Variants in ELOVL4 observed in about 807,000 individuals in gnomAD.
ELOVL4 encodes the protein very long chain fatty acid elongase 4.
ELOVL4 carries 18 observed loss-of-function variants against 42.1 expected under a neutral mutation model. The observed-to-expected ratio is 0.43, with a 90% confidence interval of 0.30 to 0.63. ELOVL4 has a LOEUF of 0.63. ELOVL4 is among the 30% of genes least tolerant of loss of function. The probability of loss-of-function intolerance (pLI) is 0.15; values close to 1 mark genes in which losing one functional copy is unlikely to be tolerated. For synonymous variants in ELOVL4, 117 were observed against 127.0 expected (o/e 0.92, Z 0.53); for missense variants, 299 against 376.2 (o/e 0.79, Z 1.70).
intron 3 of ELOVL4, 104 bp downstream of exon 3, chr6:79,924,848 A>G (rs1321548780): frequency 2.0e-5 from 15 of 766,008 alleles, no homozygotes; most frequent in Non-Finnish European, 3.5e-5. Context: ...ATGAATGTTA[A>G]AGAAACTGTC....
At chr6:79,943,744 G>A (rs1054803979) in intron 1 of ELOVL4, among the ~76,000 whole-genome samples, 2 of 152,154 alleles carry the variant, frequency 1.3e-5, no homozygotes, top group African/African-American at 4.8e-5. Flanking sequence ...TACATGGCAA[G>A]TAAATACGGA....
intron 2 of ELOVL4, among the ~76,000 whole-genome samples, chr6:79,925,363 T>C (rs940246982): frequency 6.6e-6 from 1 of 152,192 alleles, no homozygotes; most frequent in Non-Finnish European, 1.5e-5. Context: ...CTATGTTTGA[T>C]CCAGAGTGGT....
chr6:79,936,447 G>A (rs945257952), intron 1 of ELOVL4, among the ~76,000 whole-genome samples: 2 of 152,052 alleles, frequency 1.3e-5, no homozygotes, highest in African/African-American at 2.4e-5. Context: ...ACCCCAAAGG[G>A]TAACTGTAGT....
chr6:79,917,086 A>G (rs563431769), intron 5 of ELOVL4, among the ~76,000 whole-genome samples: 59 of 152,142 alleles, frequency 3.9e-4, no homozygotes, highest in African/African-American at 1.3e-3. Flanking sequence ...CAAGACTTCA[A>G]TTTCAATTGG....
At chr6:79,921,441 C>G (rs1774253070) in intron 4 of ELOVL4, among the ~76,000 whole-genome samples, 184 bp downstream of exon 4, 1 of 105,458 alleles carries the variant, frequency 9.5e-6, no homozygotes, top group African/African-American at 3.7e-5. Flanking sequence ...AGCCTGGTGA[C>G]AGAGCGAGAC....
chr6:79,925,822 T>C (rs894250702), intron 2 of ELOVL4, among the ~76,000 whole-genome samples: 2 of 152,176 alleles, frequency 1.3e-5, no homozygotes, highest in African/African-American at 4.8e-5. Flanking sequence ...CTGCTACTGT[T>C]TACTGAGTGC....
intron 2 of ELOVL4, among the ~76,000 whole-genome samples, chr6:79,925,877 C>T (rs1473146018): frequency 1.3e-5 from 2 of 151,994 alleles, no homozygotes; most frequent in African/African-American, 2.4e-5. Flanking sequence ...TACTTTACTC[C>T]GATAATAACC....
intron 1 of ELOVL4, 116 bp downstream of exon 1, chr6:79,947,064 C>T: frequency 2.4e-6 from 2 of 837,340 alleles, no homozygotes; most frequent in Admixed American, 4.1e-5. Flanking sequence ...TGATCCGCAG[C>T]ATCCGAAAGC....
chr6:79,938,286 C>T (rs894733705), intron 1 of ELOVL4, among the ~76,000 whole-genome samples: 1 of 152,170 alleles, frequency 6.6e-6, no homozygotes, highest in East Asian at 1.9e-4. Flanking sequence ...CCACCCAATG[C>T]TGCCAATGAA....
chr6:79,934,540 C>T (rs532249190), intron 1 of ELOVL4, among the ~76,000 whole-genome samples: 1 of 152,246 alleles, frequency 6.6e-6, no homozygotes, highest in East Asian at 1.9e-4. Flanking sequence ...TACATCTTCA[C>T]AAAGTATGTC....
chr6:79,937,197 G>GA (rs760477754), intron 1 of ELOVL4, among the ~76,000 whole-genome samples: 3 of 152,138 alleles, frequency 2.0e-5, no homozygotes, highest in Non-Finnish European at 2.9e-5. Context: ...GTTAAAACAA[G>GA]ATGTCTCCTC....
rs1582043127 is a variant in ELOVL4 at position 79,916,746 on chromosome 6, T to C, written c.807A>G (p.Thr269=). The C allele has an allele frequency of 1.2e-5, 20 of 1,614,194 alleles. No homozygotes were observed. The highest frequency in any genetic ancestry group is 1.4e-5 in the Non-Finnish European group (16 of 1,180,040). ...CTTTTGGTTTCTTAGGCTCTTTGTA[T>C]GTCCGAATGTAGAAGTTAAGAAAGA... ...IFLFLNFYIR[T]YKEPKKPKAG... is the part of the protein sequence containing the mutation. Residue 269 remains threonine (T), a synonymous_variant, in exon 6 of 6, where the codon ACA becomes ACG. Coordinates refer to ENST00000369816, the MANE Select transcript of ELOVL4 (RefSeq NM_022726.4).
In ELOVL4 at chr6:79,919,475, C is replaced by A; in HGVS notation, c.614G>T (p.Gly205Val). 6.2e-7 allele frequency: 1 copy of A among 1,613,452 alleles called. No homozygotes were observed. The highest frequency in any genetic ancestry group is 8.5e-7 in the Non-Finnish European group (1 of 1,179,618). Residue 205 changes from glycine (G) to valine (V), a missense_variant, in exon 5 of 6, where the codon GGC becomes GTC. By Grantham distance (109) the Gly-to-Val change is moderately radical (BLOSUM62 -3). Transcript: ENST00000369816. ...MYSYYGLTAFGPWIQKYLWWK... is the reference protein window; with the variant it reads ...MYSYYGLTAFVPWIQKYLWWK... ...CCAAAGATATTTCTGAATCCATGGG[C>A]CAAATGCAGTTAACCCATAGTATGA... is the stretch of plus-strand genomic sequence containing the variant.
chr6:79,936,500 T>G (rs1340069286), intron 1 of ELOVL4, among the ~76,000 whole-genome samples: 1 of 152,222 alleles, frequency 6.6e-6, no homozygotes, highest in Non-Finnish European at 1.5e-5. Flanking sequence ...CCATTTCTTA[T>G]AAATGTCACG....
At chr6:79,927,385 T>C (rs2127699606) in intron 1 of ELOVL4, among the ~76,000 whole-genome samples, 1 of 152,302 alleles carries the variant, frequency 6.6e-6, no homozygotes, top group African/African-American at 2.4e-5. Context: ...ATTTTTAAAG[T>C]AGTAAAAGAA....
At chr6:79,920,283 C>T (rs1474391439) in intron 4 of ELOVL4, among the ~76,000 whole-genome samples, 3 of 152,154 alleles carry the variant, frequency 2.0e-5, no homozygotes, top group Non-Finnish European at 4.4e-5. Context: ...GACTTGTACC[C>T]TGGATCCTCC....
At position 79,928,739 on chromosome 6, in the gene ELOVL4, T is replaced by TG. The variant is rs1338444733; in HGVS notation, c.101-2359_101-2358insC. On this transcript the variant is annotated intron_variant, in intron 1 of 5. Coordinates refer to ENST00000369816, the MANE Select transcript of ELOVL4 (RefSeq NM_022726.4). ...GACTGGTGACTGGGTTTTTTTTTTT[T>TG]TTTTTTTTTTTTTTTTAAGAAATGG... Among the ~76,000 whole-genome samples, 49 of 141,514 alleles carry TG rather than the reference T, an allele frequency of 3.5e-4. 2 individuals carry two copies. Among genetic ancestry groups the TG allele is most frequent in the African/African-American group, 1.3e-3 (49 of 36,838 alleles). 92.8% of individuals were successfully genotyped at this position (141,514 alleles called of 152,430 possible). A position where few individuals can be genotyped will look rare whatever the true frequency, so the allele number is the denominator to read the frequency against.
intron 3 of ELOVL4, 51 bp downstream of exon 3, chr6:79,924,901 T>C (rs761465160): frequency 1.8e-6 from 2 of 1,111,684 alleles, no homozygotes; most frequent in Non-Finnish European, 2.8e-6. Context: ...GACTGGGGCC[T>C]ATAAAAATCA....
rs1330070846 is a variant in ELOVL4, at chr6:79,947,280, C to A, written c.-1G>T. 6.2e-7 allele frequency: 1 copy of A among 1,611,172 alleles called. No homozygotes were observed. On this transcript the variant is annotated 5_prime_UTR_variant, in exon 1 of 6. Coordinates refer to ENST00000369816, the MANE Select transcript of ELOVL4 (RefSeq NM_022726.4). Reference sequence around the variant, plus strand: ...CCGGCTCCGAGTCCAGGAGCCCCATCGCGGCGATGAGCGGGCGCTGGCGGC... The same window carrying A: ...CCGGCTCCGAGTCCAGGAGCCCCATAGCGGCGATGAGCGGGCGCTGGCGGC...
Sources: allele counts gnomAD v4.1 joint callset (sites outside exome capture counted in the v4.1 genomes callset), GRCh38; gene constraint gnomAD v4.1.1; transcripts MANE v1.5; gene names NCBI Gene and HGNC (gene_info 2026-07-23, HGNC 2026-07-21).